CSMD1: variants seen among roughly 807,000 people sequenced by gnomAD.
CSMD1 encodes CUB and Sushi multiple domains 1.
Under a neutral mutation model 417.5 loss-of-function variants are expected in CSMD1, and 213 were observed. The ratio of observed to expected loss-of-function variants is 0.51; its 90% CI spans 0.46 to 0.57. The LOEUF (loss-of-function observed/expected upper bound fraction) is 0.57, where lower values mean the gene tolerates loss of function less well. CSMD1 is among the 20% of genes least tolerant of loss of function. The pLI is 0.00. For synonymous variants in CSMD1, 2,862 were observed against 1,736.8 expected (o/e 1.65, Z -16.11); for missense variants, 6,923 against 4,529.7 (o/e 1.53, Z -15.17).
chr8:4,855,032 G>C (rs1009771222), intron 1 of CSMD1, among the ~76,000 whole-genome samples: 7 of 152,244 alleles, frequency 4.6e-5, no homozygotes, highest in Admixed American at 6.5e-5. Flanking sequence ...GGTTTGAAGA[G>C]AGCAGTGGTT....
In CSMD1 at chr8:3,065,975, A is replaced by G. The variant is rs114170724; in HGVS notation, c.7475-13328T>C. On this transcript the variant is annotated intron_variant, in intron 49 of 69. Transcript: ENST00000635120. ...TTTCTCCGAGCACTAAATAAACTAT[A>G]AGCACAATGGCAAATGACTGTTCAG... is the stretch of plus-strand genomic sequence containing the variant. Among the ~76,000 whole-genome samples, 84 of 152,250 alleles carry G rather than the reference A, an allele frequency of 5.5e-4. 1 individual carries two copies. Among genetic ancestry groups the G allele is most frequent in the African/African-American group, 1.8e-3 (73 of 41,544 alleles).
chr8:3,719,583 T>G (rs1307995151), intron 6 of CSMD1, among the ~76,000 whole-genome samples: 2 of 152,166 alleles, frequency 1.3e-5, no homozygotes, highest in African/African-American at 2.4e-5. Flanking sequence ...ATACATCTCT[T>G]GCAAGAGTGC....
At chr8:4,170,436 A>G (rs1215169167) in intron 3 of CSMD1, among the ~76,000 whole-genome samples, 3 of 151,952 alleles carry the variant, frequency 2.0e-5, no homozygotes, top group Non-Finnish European at 2.9e-5. Context: ...TAAAATGTTC[A>G]AATACTTCCC....
At chr8:3,731,033 C>G (rs1260001498) in intron 6 of CSMD1, among the ~76,000 whole-genome samples, 1 of 152,224 alleles carries the variant, frequency 6.6e-6, no homozygotes, top group Non-Finnish European at 1.5e-5. Context: ...ACCCATCACT[C>G]AGCTGTAATA....
At chr8:4,458,185 A>G (rs1799600174) in intron 2 of CSMD1, among the ~76,000 whole-genome samples, 1 of 152,206 alleles carries the variant, frequency 6.6e-6, no homozygotes, top group Admixed American at 6.5e-5. Flanking sequence ...CTAAATATCA[A>G]AATGATACTA....
At chr8:3,543,141 G>C (rs770745675) in intron 10 of CSMD1, among the ~76,000 whole-genome samples, 13 of 152,196 alleles carry the variant, frequency 8.5e-5, no homozygotes, top group Non-Finnish European at 1.5e-4. Context: ...CCCAGACAGA[G>C]AGAAGGACAA....
At chr8:3,182,632 G>GAAGC (rs1821425760) in intron 36 of CSMD1, among the ~76,000 whole-genome samples, 1 of 44,346 alleles carries the variant, frequency 2.3e-5, no homozygotes, top group Non-Finnish European at 5.6e-5. Flanking sequence ...GTGTGTGTGT[G>GAAGC]TATTGTTAGT....
chr8:3,641,997 C>T (rs533504227), intron 7 of CSMD1, among the ~76,000 whole-genome samples: 1 of 152,040 alleles, frequency 6.6e-6, no homozygotes, highest in South Asian at 2.1e-4. Context: ...AGATTAGCAG[C>T]CCCAGAAGCT....
In CSMD1 at chr8:3,308,497, T is replaced by A. The variant is rs780996323; in HGVS notation, c.3638A>T (p.Asp1213Val). ...QGFQLTYTSFDLVKCEDPGIP... is the reference protein window; with the variant it reads ...QGFQLTYTSFVLVKCEDPGIP... ...GCCCGGATCCTCACATTTTACCAGATCAAAACCTGCAAGAGAGAAAGGCAA... is the reference window on the plus strand; with the variant it reads ...GCCCGGATCCTCACATTTTACCAGAACAAAACCTGCAAGAGAGAAAGGCAA... The change falls in exon 24 of 70, where the codon GAT becomes GTT. Residue 1213 changes from aspartate (D) to valine (V), a missense_variant. Asp to Val is a radical substitution (Grantham distance 152). Transcript: ENST00000635120. 2 of 1,610,624 alleles carry A rather than the reference T, an allele frequency of 1.2e-6. No homozygotes were observed. The highest frequency in any genetic ancestry group is 1.7e-6 in the Non-Finnish European group (2 of 1,177,822).
intron 5 of CSMD1, among the ~76,000 whole-genome samples, chr8:3,962,857 C>A (rs1383088555): frequency 6.6e-6 from 1 of 152,120 alleles, no homozygotes; most frequent in Admixed American, 6.5e-5. Flanking sequence ...GACATGATTT[C>A]TATTATTCAA....
At chr8:3,659,393 C>G (rs967157170) in intron 7 of CSMD1, among the ~76,000 whole-genome samples, 1 of 152,192 alleles carries the variant, frequency 6.6e-6, no homozygotes, top group Non-Finnish European at 1.5e-5. Context: ...CACTTAGACA[C>G]AGGTAACGGG....
At chr8:4,259,962 T>C (rs1461123620) in intron 3 of CSMD1, among the ~76,000 whole-genome samples, 1 of 152,242 alleles carries the variant, frequency 6.6e-6, no homozygotes, top group Non-Finnish European at 1.5e-5. Flanking sequence ...TAATTGTTTC[T>C]AGTTTTTCAC....
At chr8:4,258,730 C>CCGCTATT (rs1563348916) in intron 3 of CSMD1, among the ~76,000 whole-genome samples, 3 of 151,968 alleles carry the variant, frequency 2.0e-5, no homozygotes, top group Non-Finnish European at 2.9e-5. Flanking sequence ...TGGAACACAG[C>CCGCTATT]AATGTATGAG....
chr8:4,390,039 A>C (rs948322498), intron 3 of CSMD1, among the ~76,000 whole-genome samples: 1 of 152,210 alleles, frequency 6.6e-6, no homozygotes, highest in Admixed American at 6.5e-5. Context: ...AAATTGCTAT[A>C]CTAATTTACA....
intron 3 of CSMD1, among the ~76,000 whole-genome samples, chr8:4,380,258 C>A (rs778024663): frequency 6.6e-6 from 1 of 152,136 alleles, no homozygotes; most frequent in South Asian, 2.1e-4. Flanking sequence ...ACAAGCCTGA[C>A]AAACACCTCT....
At chr8:4,752,643 C>A (rs1233386987) in intron 1 of CSMD1, among the ~76,000 whole-genome samples, 1 of 152,124 alleles carries the variant, frequency 6.6e-6, no homozygotes, top group African/African-American at 2.4e-5. Flanking sequence ...AATTGATGTG[C>A]CATATTTTCT....
chr8:4,398,385 CTTCTT>C (rs1177680198), intron 3 of CSMD1, among the ~76,000 whole-genome samples: 1 of 118,134 alleles, frequency 8.5e-6, no homozygotes, highest in Non-Finnish European at 1.7e-5. Context: ...CTTGCTGCAA[CTTCTT>C]TTTTTTTTTT....
chr8:3,300,949 ACT>A (rs1228434164), intron 25 of CSMD1, among the ~76,000 whole-genome samples: 7 of 104,906 alleles, frequency 6.7e-5, no homozygotes, highest in African/African-American at 2.7e-4. Context: ...ACAGAGTGAG[ACT>A]CTGTCTCAAA....
At chr8:3,555,566 G>T (rs1030919861) in intron 10 of CSMD1, among the ~76,000 whole-genome samples, 2 of 152,190 alleles carry the variant, frequency 1.3e-5, no homozygotes, top group African/African-American at 4.8e-5. Context: ...CTTCACTGAA[G>T]CTTTTGTGTA....
Sources: gnomAD v4.1 joint callset for allele counts (sites outside exome capture counted in the v4.1 genomes callset) on GRCh38, gnomAD v4.1.1 for gene constraint, MANE v1.5 for transcripts, NCBI Gene and HGNC (gene_info 2026-07-23, HGNC 2026-07-21) for gene names.